Variants in SRBD1 observed in about 807,000 individuals in gnomAD.
SRBD1 encodes S1 RNA-binding domain-containing protein 1.
Under a neutral mutation model 115.3 loss-of-function variants are expected in SRBD1, and 88 were observed. That is an observed-to-expected ratio of 0.76 (90% CI 0.64 to 0.91). SRBD1 has a LOEUF of 0.91. Among genes scored for constraint, SRBD1 ranks in the 40% least tolerant of loss-of-function variants. SRBD1 has a pLI of 0.00. For missense variants in SRBD1, 1,385 were observed against 1,177.4 expected, an observed-to-expected ratio of 1.18 and a Z score of -2.58; for synonymous variants, 509 against 407.7, an observed-to-expected ratio of 1.25 and a Z score of -2.99.
chr2:45,597,544 A>T (rs1016854747), intron 4 of SRBD1, among the ~76,000 whole-genome samples: 1 of 152,228 alleles, frequency 6.6e-6, no homozygotes, highest in Non-Finnish European at 1.5e-5. Context: ...GAAGCAAGAA[A>T]ATCTTATCTG....
chr2:45,467,202 G>C (rs1228628499), intron 16 of SRBD1, among the ~76,000 whole-genome samples: 1 of 152,180 alleles, frequency 6.6e-6, no homozygotes, highest in African/African-American at 2.4e-5. Flanking sequence ...CAGAACTAGT[G>C]ATTCTCCGCC....
At chr2:45,463,821 T>C (rs928183123) in intron 16 of SRBD1, among the ~76,000 whole-genome samples, 8 of 152,156 alleles carry the variant, frequency 5.3e-5, no homozygotes, top group African/African-American at 1.7e-4. Context: ...AACCAATATA[T>C]GCATCCACAC....
chr2:45,500,067 T>A (rs1670580471), intron 14 of SRBD1, among the ~76,000 whole-genome samples: 1 of 152,180 alleles, frequency 6.6e-6, no homozygotes, highest in Non-Finnish European at 1.5e-5. Context: ...TTGCACTGAA[T>A]CTGTAGATCA....
chr2:45,564,727 T>A (rs1380335948), intron 9 of SRBD1, among the ~76,000 whole-genome samples: 1 of 152,122 alleles, frequency 6.6e-6, no homozygotes, highest in African/African-American at 2.4e-5. Flanking sequence ...ACAATACAGG[T>A]TTAAACTGCA....
intron 14 of SRBD1, among the ~76,000 whole-genome samples, chr2:45,521,300 C>CACACACACAT (rs1170580635): frequency 6.6e-6 from 1 of 151,600 alleles, no homozygotes; most frequent in African/African-American, 2.4e-5. Context: ...CACACACACA[C>CACACACACAT]ACACACACAC....
At chr2:45,454,960 A>C (rs1669108521) in intron 16 of SRBD1, among the ~76,000 whole-genome samples, 1 of 151,798 alleles carries the variant, frequency 6.6e-6, no homozygotes, top group African/African-American at 2.4e-5. Flanking sequence ...ATTTTAACAA[A>C]GTTTTCCTTT....
chr2:45,448,955 G>C (rs1003116139), intron 16 of SRBD1, among the ~76,000 whole-genome samples: 2 of 152,042 alleles, frequency 1.3e-5, no homozygotes, highest in Non-Finnish European at 1.5e-5. Flanking sequence ...ATTTCCTTCA[G>C]GTTTTCCTAG....
intron 16 of SRBD1, among the ~76,000 whole-genome samples, chr2:45,468,064 GTTC>G (rs547826975): frequency 7.8e-4 from 119 of 151,954 alleles, no homozygotes; most frequent in African/African-American, 2.8e-3. Context: ...TTTTTCTCTC[GTTC>G]CATGCCCCAT....
chr2:45,475,486 A>G (rs936813557), intron 16 of SRBD1, among the ~76,000 whole-genome samples: 3 of 152,182 alleles, frequency 2.0e-5, no homozygotes, highest in Admixed American at 1.3e-4. Context: ...AGTCTTTCAC[A>G]TTAAACGTTA....
chr2:45,453,469 TAA>T (rs970276457), intron 16 of SRBD1, among the ~76,000 whole-genome samples: 5 of 151,870 alleles, frequency 3.3e-5, no homozygotes, highest in Non-Finnish European at 5.9e-5. Flanking sequence ...AAAATAAATT[TAA>T]GTTTGTTATT....
chr2:45,561,156 T>C (rs901565963), intron 10 of SRBD1, among the ~76,000 whole-genome samples: 1 of 152,088 alleles, frequency 6.6e-6, no homozygotes, highest in Non-Finnish European at 1.5e-5. Context: ...TACACAGTAA[T>C]ATAAAGACAC....
chr2:45,409,777 A>T (rs974115586), intron 19 of SRBD1, among the ~76,000 whole-genome samples: 3 of 152,174 alleles, frequency 2.0e-5, no homozygotes, highest in Non-Finnish European at 4.4e-5. Flanking sequence ...TAGTGTTGAA[A>T]AACATATAAC....
intron 14 of SRBD1, among the ~76,000 whole-genome samples, chr2:45,537,394 C>A (rs1286906371): frequency 6.6e-6 from 1 of 152,168 alleles, no homozygotes; most frequent in African/African-American, 2.4e-5. Flanking sequence ...TTTTGTCTGT[C>A]TTCTCCATTG....
chr2:45,524,115 A>G (rs1288071259), intron 14 of SRBD1, among the ~76,000 whole-genome samples: 4 of 152,042 alleles, frequency 2.6e-5, no homozygotes, highest in African/African-American at 9.7e-5. Flanking sequence ...TTTTCATGAT[A>G]GAAATACTCA....
At chr2:45,579,815 T>G (rs1404459829) in intron 7 of SRBD1, 60 bp downstream of exon 7, 1 of 1,454,956 alleles carries the variant, frequency 6.9e-7, no homozygotes, top group Middle Eastern at 1.9e-4. Flanking sequence ...TTAACATACG[T>G]TTTTAAATTA....
At chr2:45,608,170 T>C (rs977191343) in intron 1 of SRBD1, among the ~76,000 whole-genome samples, 3 of 152,224 alleles carry the variant, frequency 2.0e-5, no homozygotes, top group Non-Finnish European at 4.4e-5. Flanking sequence ...GCTTAACCAT[T>C]ATCCTTAAAG....
chr2:45,449,897 G>A (rs1668941150), intron 16 of SRBD1, among the ~76,000 whole-genome samples: 1 of 151,964 alleles, frequency 6.6e-6, no homozygotes, highest in Non-Finnish European at 1.5e-5. Flanking sequence ...CTTCATAAGG[G>A]TGATCAGGGC....
At chr2:45,541,804 T>C (rs1033348731) in intron 14 of SRBD1, among the ~76,000 whole-genome samples, 6 of 152,244 alleles carry the variant, frequency 3.9e-5, no homozygotes, top group African/African-American at 1.4e-4. Context: ...CCATAGCTGG[T>C]AGTCCCAACA....
intron 5 of SRBD1, 146 bp downstream of exon 5, chr2:45,585,462 G>C: frequency 1.2e-6 from 1 of 840,558 alleles, no homozygotes; most frequent in Non-Finnish European, 1.8e-6. Context: ...CCATACACTC[G>C]CTAAATAAAG....
Sources: gnomAD v4.1 joint callset for allele counts (sites outside exome capture counted in the v4.1 genomes callset) on GRCh38, gnomAD v4.1.1 for gene constraint, MANE v1.5 for transcripts, NCBI Gene and HGNC (gene_info 2026-07-23, HGNC 2026-07-21) for gene names.